Variants in SEH1L observed in about 807,000 individuals in gnomAD.
SEH1L encodes the protein nucleoporin SEH1.
In SEH1L, 18 loss-of-function variants were observed where a neutral mutation model predicts 49.5. The ratio of observed to expected loss-of-function variants is 0.36; its 90% CI spans 0.25 to 0.54. The LOEUF is 0.54. Ranked by LOEUF, SEH1L falls within the 20% of genes least tolerant of loss-of-function variation. SEH1L has a pLI of 0.87. For missense variants in SEH1L, 404 were observed against 528.8 expected, an observed-to-expected ratio of 0.76 and a Z score of 2.31; for synonymous variants, 169 against 178.1, an observed-to-expected ratio of 0.95 and a Z score of 0.41.
In SEH1L at chr18:12,987,208, TA is replaced by T. The variant is rs1367633056; in HGVS notation, c.*154del. ...CAACCAGAATACAGTGTTTGGAACCTAAATCTGTTTGTGCGTCTGCATCAAA... is the reference window on the plus strand; with the variant it reads ...CAACCAGAATACAGTGTTTGGAACCTAATCTGTTTGTGCGTCTGCATCAAA... On this transcript the variant is annotated 3_prime_UTR_variant, in exon 9 of 9. Coordinates refer to ENST00000399892, the MANE Select transcript of SEH1L (RefSeq NM_001013437.2). 1.4e-5 allele frequency: 7 copies of T among 505,422 alleles called. No individual in the cohort carries two copies. The highest frequency in any genetic ancestry group is 5.3e-4 in the Middle Eastern group (1 of 1,902). The allele number at this position is 505,422 out of a possible 1,614,324, so 31.3% of individuals were successfully genotyped here.
intron 6 of SEH1L, among the ~76,000 whole-genome samples, chr18:12,979,355 G>A (rs1363496382): frequency 1.3e-5 from 2 of 149,648 alleles, no homozygotes; most frequent in Non-Finnish European, 3.0e-5. Context: ...AGTGGACACA[G>A]CACATGTTTC....
At chr18:12,965,232 T>G (rs1176872161) in intron 4 of SEH1L, among the ~76,000 whole-genome samples, 1 of 152,060 alleles carries the variant, frequency 6.6e-6, no homozygotes, top group Non-Finnish European at 1.5e-5. Flanking sequence ...CAGGATGGTC[T>G]CGATCTCCTG....
intron 8 of SEH1L, chr18:12,986,566 A>C: frequency 1.0e-6 from 1 of 972,318 alleles, no homozygotes; most frequent in Non-Finnish European, 1.2e-6. Context: ...TTATAAAATT[A>C]ATGTTTTTCT....
chr18:12,982,867 AT>A, intron 7 of SEH1L, 192 bp downstream of exon 7: 2 of 489,134 alleles, frequency 4.1e-6, no homozygotes, highest in Non-Finnish European at 7.1e-6. Flanking sequence ...TTTTTAAGTT[AT>A]GTGGAACAGA....
intron 8 of SEH1L, chr18:12,986,293 G>C: frequency 1.0e-6 from 1 of 985,542 alleles, no homozygotes. Context: ...CAGTCATTCT[G>C]TGAATCCTTT....
intron 6 of SEH1L, among the ~76,000 whole-genome samples, chr18:12,980,500 G>A (rs1316573391): frequency 1.7e-5 from 1 of 57,348 alleles, no homozygotes; most frequent in Non-Finnish European, 3.3e-5. Context: ...CGGACGGGGC[G>A]GCTGGCCGGG....
In SEH1L at chr18:12,982,907, C is replaced by T. The variant is rs1470679080; in HGVS notation, c.919+232C>T. 5.6e-5 allele frequency: 20 copies of T among 355,014 alleles called. No individual in the cohort carries two copies. The East Asian group carries it at 9.3e-4, about 17-fold the overall frequency. 22.0% of individuals were successfully genotyped at this position (355,014 alleles called of 1,614,324 possible). A position where few individuals can be genotyped will look rare whatever the true frequency, so the allele number is the denominator to read the frequency against. ...GTTTTCAAAACTAAAGTAATTACAA[C>T]AGAATATGCAATATCTCCAATAAAA... On this transcript the variant is annotated intron_variant, in intron 7 of 8. Coordinates refer to ENST00000399892, the MANE Select transcript of SEH1L (RefSeq NM_001013437.2).
rs1221848487 is a variant in SEH1L, at chr18:12,987,156, A to G, written c.*99A>G. The G allele has an allele frequency of 2.3e-6, 2 of 888,062 alleles. No individual in the cohort carries two copies. The highest frequency in any genetic ancestry group is 3.4e-5 in the African/African-American group (2 of 59,272). 55.0% of individuals were successfully genotyped at this position (888,062 alleles called of 1,614,324 possible). ...TCATTTTCTTTCAGAAGATTTTTCTAACTTAGGGTCTGTCTTGCATGTATT... is the reference window on the plus strand; with the variant it reads ...TCATTTTCTTTCAGAAGATTTTTCTGACTTAGGGTCTGTCTTGCATGTATT... On this transcript the variant is annotated 3_prime_UTR_variant, in exon 9 of 9. Transcript: ENST00000399892.
chr18:12,968,960 C>T (rs943892985), intron 4 of SEH1L, among the ~76,000 whole-genome samples: 1 of 152,106 alleles, frequency 6.6e-6, no homozygotes, highest in Non-Finnish European at 1.5e-5. Flanking sequence ...CACGTAATTC[C>T]AGCACTTTGA....
intron 8 of SEH1L, chr18:12,985,044 A>G: frequency 2.2e-6 from 1 of 464,144 alleles, no homozygotes; most frequent in Non-Finnish European, 3.7e-6. Context: ...ATACCAGATT[A>G]TAAAGATTAT....
chr18:12,959,357 C>T (rs560722784), intron 3 of SEH1L, among the ~76,000 whole-genome samples: 24 of 152,254 alleles, frequency 1.6e-4, no homozygotes, highest in Admixed American at 1.1e-3. Flanking sequence ...GTTAAGCATT[C>T]GCCTACTTAT....
chr18:12,975,411 A>G (rs541609431), intron 5 of SEH1L, among the ~76,000 whole-genome samples: 1 of 152,024 alleles, frequency 6.6e-6, no homozygotes, highest in African/African-American at 2.4e-5. Context: ...AGCGCCTAGG[A>G]TATGGATGAG....
chr18:12,954,971 C>G (rs2030764208), intron 2 of SEH1L, among the ~76,000 whole-genome samples: 1 of 152,206 alleles, frequency 6.6e-6, no homozygotes, highest in African/African-American at 2.4e-5. Context: ...TTACTCTGCT[C>G]CCAGCCGCTG....
At chr18:12,959,847 A>G (rs2031087718) in intron 3 of SEH1L, among the ~76,000 whole-genome samples, 1 of 152,196 alleles carries the variant, frequency 6.6e-6, no homozygotes, top group Non-Finnish European at 1.5e-5. Context: ...AGAATCCTCA[A>G]TTCAGGCTTG....
At chr18:12,984,562 G>C in intron 8 of SEH1L, 1 of 164,076 alleles carries the variant, frequency 6.1e-6, no homozygotes, top group Non-Finnish European at 1.3e-5. Flanking sequence ...TTTGCATTAG[G>C]TCAAACTGAA....
chr18:12,979,080 T>C (rs2032049042), intron 6 of SEH1L, among the ~76,000 whole-genome samples, 188 bp downstream of exon 6: 1 of 151,940 alleles, frequency 6.6e-6, no homozygotes, highest in African/African-American at 2.4e-5. Flanking sequence ...TTCTTTCTTT[T>C]TTTTTTTATT....
At chr18:12,980,772 G>C (rs1211785555) in intron 6 of SEH1L, among the ~76,000 whole-genome samples, 4 of 87,122 alleles carry the variant, frequency 4.6e-5, no homozygotes, top group African/African-American at 1.8e-4. Flanking sequence ...GGGGCGGCCG[G>C]GCAGAGGCGC....
chr18:12,986,516 A>T lies in SEH1L; in HGVS notation c.1071-346A>T, dbSNP rs2032464001. On this transcript the variant is annotated intron_variant, in intron 8 of 8. Coordinates refer to ENST00000399892, the MANE Select transcript of SEH1L (RefSeq NM_001013437.2). The stretch of plus-strand genomic sequence containing the variant: ...AACTAGATCTGTAAATGTACAGAAT[A>T]GCATCAGATGTTTCTGAGAGATTAG... 15 of 971,266 alleles carry T rather than the reference A, an allele frequency of 1.5e-5. No individual in the cohort carries two copies. In the South Asian group the frequency reaches 6.6e-4, roughly 43 times the overall value. The allele number at this position is 971,266 out of a possible 1,614,324, so 60.2% of individuals were successfully genotyped here. A position where few individuals can be genotyped will look rare whatever the true frequency, so the allele number is the denominator to read the frequency against.
intron 8 of SEH1L, chr18:12,985,710 T>C (rs2032432704): frequency 1.3e-5 from 12 of 951,750 alleles, no homozygotes; most frequent in Non-Finnish European, 1.4e-5. Flanking sequence ...ATAAATATTT[T>C]TTATAAAGAT....
Sources: gnomAD v4.1 joint callset for allele counts (sites outside exome capture counted in the v4.1 genomes callset) on GRCh38, gnomAD v4.1.1 for gene constraint, MANE v1.5 for transcripts, NCBI Gene and HGNC (gene_info 2026-07-23, HGNC 2026-07-21) for gene names.